CCDC7: variants seen among roughly 807,000 people sequenced by gnomAD.
CCDC7 encodes coiled-coil domain containing 7.
CCDC7 carries 183 observed loss-of-function variants against 196.9 expected under a neutral mutation model. The ratio of observed to expected loss-of-function variants is 0.93; its 90% CI spans 0.82 to 1.05. The LOEUF (loss-of-function observed/expected upper bound fraction) is 1.05. Ranked by LOEUF, CCDC7 falls within the 50% of genes least tolerant of loss-of-function variation. CCDC7 has a pLI of 0.00. For missense variants in CCDC7, 1,540 were observed against 1,482.2 expected (o/e 1.04, Z -0.64); for synonymous variants, 525 against 484.6 (o/e 1.08, Z -1.10).
rs548928975 is a variant in CCDC7, at chr10:32,767,811, A to T, written c.2906-11166A>T. ...AGTTCTGGCAAAATGGAGATATGTGACCTCTTAGAGAATTTAAAATAGCTG... is the reference window on the plus strand; with the variant it reads ...AGTTCTGGCAAAATGGAGATATGTGTCCTCTTAGAGAATTTAAAATAGCTG... On this transcript the variant is annotated intron_variant, in intron 28 of 41. Coordinates refer to ENST00000639629, the Ensembl canonical transcript of CCDC7. 3.9e-5 allele frequency among the ~76,000 whole-genome samples: 6 copies of T among 152,270 alleles called. No homozygotes were observed. The East Asian group carries it at 1.2e-3, about 29-fold the overall frequency.
intron 24 of CCDC7, among the ~76,000 whole-genome samples, chr10:32,704,504 C>T (rs1401958479): frequency 6.6e-6 from 1 of 152,106 alleles, no homozygotes; most frequent in Non-Finnish European, 1.5e-5. Context: ...TCTCAAACTC[C>T]ATGCTGGGAG....
intron 24 of CCDC7, among the ~76,000 whole-genome samples, chr10:32,704,404 T>A (rs893527177): frequency 6.6e-6 from 1 of 152,044 alleles, no homozygotes; most frequent in Non-Finnish European, 1.5e-5. Context: ...CTGTGTGAGG[T>A]GTCAGTTTTT....
chr10:32,699,444 A>G (rs1456148449), intron 24 of CCDC7, among the ~76,000 whole-genome samples: 1 of 151,248 alleles, frequency 6.6e-6, no homozygotes, highest in East Asian at 1.9e-4. Flanking sequence ...TTCTTAACCC[A>G]GTCTATCATT....
chr10:32,736,496 C>T (rs538520376), intron 28 of CCDC7, among the ~76,000 whole-genome samples: 30 of 152,112 alleles, frequency 2.0e-4, no homozygotes, highest in African/African-American at 6.7e-4. Flanking sequence ...CCCACTAACT[C>T]GTCATCTAGC....
chr10:32,799,703 A>T (rs2084376371), intron 29 of CCDC7, among the ~76,000 whole-genome samples: 1 of 152,174 alleles, frequency 6.6e-6, no homozygotes, highest in African/African-American at 2.4e-5. Flanking sequence ...TTTTAGTTGG[A>T]TTTATTTCCC....
At chr10:32,574,279 C>T in intron 16 of CCDC7, 1 of 396,736 alleles carries the variant, frequency 2.5e-6, no homozygotes, top group Non-Finnish European at 3.7e-6. Flanking sequence ...TATAGAATTG[C>T]ACTTAATAGC....
intron 41 of CCDC7, among the ~76,000 whole-genome samples, chr10:32,870,202 C>T (rs184479124): frequency 5.5e-4 from 83 of 152,084 alleles, no homozygotes; most frequent in African/African-American, 1.8e-3. Flanking sequence ...GCCATTTTCA[C>T]GATTCTATTG....
chr10:32,683,500 T>TTAGAA (rs2141079505), intron 21 of CCDC7, among the ~76,000 whole-genome samples: 1 of 152,338 alleles, frequency 6.6e-6, no homozygotes, highest in East Asian at 1.9e-4. Flanking sequence ...CATATGAATT[T>TTAGAA]TAGAATAGGT....
chr10:32,699,881 G>T (rs1172960085), intron 24 of CCDC7, among the ~76,000 whole-genome samples: 1 of 149,384 alleles, frequency 6.7e-6, no homozygotes, highest in African/African-American at 2.6e-5. Context: ...CATATCCTAT[G>T]CCCACTTGTT....
chr10:32,507,282 C>T lies in CCDC7; in HGVS notation c.873-10663C>T, dbSNP rs963813477. ...CTGGGATTACAGGCATGAGCCACCGCGCCTGGCCTGTGTGTTCTTAAAGTT... is the reference window on the plus strand; with the variant it reads ...CTGGGATTACAGGCATGAGCCACCGTGCCTGGCCTGTGTGTTCTTAAAGTT... On this transcript the variant is annotated intron_variant, in intron 9 of 41. Transcript: ENST00000639629. Among the ~76,000 whole-genome samples the T allele has an allele frequency of 5.3e-5, 8 of 150,972 alleles. No homozygotes were observed. The East Asian group carries it at 5.9e-4, about 11-fold the overall frequency.
chr10:32,550,528 A>T (rs1312529024), intron 13 of CCDC7, among the ~76,000 whole-genome samples: 1 of 152,056 alleles, frequency 6.6e-6, no homozygotes, highest in Non-Finnish European at 1.5e-5. Flanking sequence ...ATTCAGTATT[A>T]TGTTGGCATT....
chr10:32,722,168 G>A (rs905776566), intron 25 of CCDC7, among the ~76,000 whole-genome samples: 1 of 152,090 alleles, frequency 6.6e-6, no homozygotes, highest in African/African-American at 2.4e-5. Context: ...TATTAATCAG[G>A]TAAATTCATG....
At chr10:32,491,832 CT>C in intron 8 of CCDC7, 89 bp from the exon 10 acceptor site, 1 of 1,248,948 alleles carries the variant, frequency 8.0e-7, no homozygotes, top group African/African-American at 1.6e-5. Flanking sequence ...GTTTGTTTAG[CT>C]TTCACATCTA....
intron 9 of CCDC7, among the ~76,000 whole-genome samples, chr10:32,501,977 C>G (rs1223940497): frequency 6.6e-6 from 1 of 152,162 alleles, no homozygotes; most frequent in Non-Finnish European, 1.5e-5. Flanking sequence ...TCCCAGGGAG[C>G]TGCGGTGGGC....
At chr10:32,874,766 A>ACG (rs2094549251) in intron 41 of CCDC7, among the ~76,000 whole-genome samples, 1 of 151,030 alleles carries the variant, frequency 6.6e-6, no homozygotes, top group African/African-American at 2.4e-5. Context: ...ACACACACAC[A>ACG]CACACACACA....
chr10:32,487,401 G>T (rs1350759098), intron 8 of CCDC7, among the ~76,000 whole-genome samples: 1 of 152,118 alleles, frequency 6.6e-6, no homozygotes, highest in Non-Finnish European at 1.5e-5. Context: ...TGTTTTTCAA[G>T]GTTTTTAACT....
intron 18 of CCDC7, among the ~76,000 whole-genome samples, chr10:32,610,112 T>C (rs2061946641): frequency 6.6e-6 from 1 of 151,852 alleles, no homozygotes; most frequent in Non-Finnish European, 1.5e-5. Context: ...TCTTGTTTGT[T>C]TGTTTATTTT....
intron 18 of CCDC7, among the ~76,000 whole-genome samples, chr10:32,628,004 GTA>G (rs1415545871): frequency 1.3e-5 from 2 of 151,730 alleles, no homozygotes; most frequent in African/African-American, 4.8e-5. Context: ...TCTGGTTTTG[GTA>G]TTAGGGTAGT....
At chr10:32,775,753 A>G (rs1020237664) in intron 28 of CCDC7, among the ~76,000 whole-genome samples, 6 of 152,202 alleles carry the variant, frequency 3.9e-5, no homozygotes, top group Non-Finnish European at 8.8e-5. Flanking sequence ...TCCTTCACAC[A>G]TGAATATATG....
Sources: allele counts gnomAD v4.1 joint callset (sites outside exome capture counted in the v4.1 genomes callset), GRCh38; gene constraint gnomAD v4.1.1; transcripts MANE v1.5; gene names NCBI Gene and HGNC (gene_info 2026-07-23, HGNC 2026-07-21).